The following RIMS1 variants were observed in gnomAD, a reference collection of about 807,000 sequenced individuals.
The protein encoded by RIMS1 is regulating synaptic membrane exocytosis 1, also known as regulating synaptic membrane exocytosis protein 1.
In RIMS1, 83 loss-of-function variants were observed where a neutral mutation model predicts 214.1. The observed-to-expected ratio is 0.39, with a 90% CI of 0.32 to 0.47. RIMS1 has a LOEUF of 0.47. Ranked by LOEUF, RIMS1 falls within the 20% of genes least tolerant of loss-of-function variation. The pLI, the probability that RIMS1 is intolerant of heterozygous loss-of-function variation, is 0.99. For missense variants in RIMS1, 2,050 were observed against 2,161.8 expected (o/e 0.95, Z 1.03); for synonymous variants, 793 against 786.8 (o/e 1.01, Z -0.13).
chr6:72,285,079 C>A (rs750340601), intron 24 of RIMS1, among the ~76,000 whole-genome samples: 4 of 151,980 alleles, frequency 2.6e-5, no homozygotes, highest in Non-Finnish European at 5.9e-5. Context: ...AGAAAAGAGG[C>A]CTGAAAATAA....
At chr6:72,007,107 G>A (rs1489052178) in intron 2 of RIMS1, among the ~76,000 whole-genome samples, 1 of 152,246 alleles carries the variant, frequency 6.6e-6, no homozygotes, top group East Asian at 1.9e-4. Flanking sequence ...ACATGGCTGG[G>A]TACTCCTCTG....
chr6:72,343,364 C>T (rs914581769), intron 29 of RIMS1, among the ~76,000 whole-genome samples: 3 of 141,954 alleles, frequency 2.1e-5, no homozygotes, highest in Non-Finnish European at 3.2e-5. Flanking sequence ...CTCTTTTTAG[C>T]ATGCATATTA....
At chr6:72,088,461 G>A (rs1319178661) in intron 2 of RIMS1, among the ~76,000 whole-genome samples, 4 of 151,606 alleles carry the variant, frequency 2.6e-5, no homozygotes, top group Non-Finnish European at 5.9e-5. Flanking sequence ...ATGTTGGCCC[G>A]GCTCCAGGCT....
chr6:71,942,088 C>A (rs1331552681), intron 1 of RIMS1, among the ~76,000 whole-genome samples: 1 of 152,124 alleles, frequency 6.6e-6, no homozygotes, highest in Non-Finnish European at 1.5e-5. Flanking sequence ...CAGTATGCAC[C>A]ACCATGGTGC....
intron 2 of RIMS1, among the ~76,000 whole-genome samples, chr6:72,011,552 A>ATC (rs1466975753): frequency 6.6e-6 from 1 of 152,158 alleles, no homozygotes; most frequent in Admixed American, 6.5e-5. Context: ...AACCTACAAA[A>ATC]TCGGAGAAAA....
At chr6:72,360,709 T>A (rs1017619028) in intron 29 of RIMS1, among the ~76,000 whole-genome samples, 7 of 140,648 alleles carry the variant, frequency 5.0e-5, no homozygotes, top group Non-Finnish European at 9.5e-5. Flanking sequence ...GTATACTATA[T>A]TTTTTTTACT....
At chr6:72,351,061 G>T (rs2097428855) in intron 29 of RIMS1, among the ~76,000 whole-genome samples, 1 of 151,774 alleles carries the variant, frequency 6.6e-6, no homozygotes, top group Admixed American at 6.6e-5. Flanking sequence ...CAATTTTAAA[G>T]GAGCATAAAC....
chr6:72,293,094 C>T (rs573005662), intron 26 of RIMS1, among the ~76,000 whole-genome samples: 51 of 151,906 alleles, frequency 3.4e-4, no homozygotes, highest in Non-Finnish European at 6.9e-4. Context: ...GCATAGATTG[C>T]CATGCAGAAT....
chr6:72,320,994 A>G (rs1035322161), intron 28 of RIMS1, among the ~76,000 whole-genome samples: 1 of 151,994 alleles, frequency 6.6e-6, no homozygotes, highest in African/African-American at 2.4e-5. Flanking sequence ...CCTTGATTTC[A>G]GCTAGACTCT....
intron 17 of RIMS1, among the ~76,000 whole-genome samples, chr6:72,258,656 T>C (rs2076828289): frequency 6.6e-6 from 1 of 152,184 alleles, no homozygotes; most frequent in Non-Finnish European, 1.5e-5. Flanking sequence ...GATTGTCTCT[T>C]TGAAGCACTT....
intron 1 of RIMS1, among the ~76,000 whole-genome samples, chr6:71,907,808 G>A (rs1041854824): frequency 6.6e-6 from 1 of 152,108 alleles, no homozygotes; most frequent in African/African-American, 2.4e-5. Flanking sequence ...CCTGTGTTTT[G>A]TTGGTGAAAC....
intron 1 of RIMS1, among the ~76,000 whole-genome samples, chr6:71,944,788 A>G (rs958995016): frequency 1.3e-5 from 2 of 152,208 alleles, no homozygotes; most frequent in African/African-American, 4.8e-5. Context: ...AAAATATTAC[A>G]ATGTATGCAC....
At chr6:72,265,879 C>G in intron 21 of RIMS1, 81 bp from the exon 22 acceptor site, 1 of 959,980 alleles carries the variant, frequency 1.0e-6, no homozygotes, top group South Asian at 1.5e-5. Context: ...TTATTTTATG[C>G]TTTACTCTCT....
At chr6:71,985,060 T>C (rs565972732) in intron 2 of RIMS1, among the ~76,000 whole-genome samples, 2 of 152,252 alleles carry the variant, frequency 1.3e-5, no homozygotes, top group South Asian at 4.1e-4. Context: ...TCAAAAAGTT[T>C]GCAATCTAGT....
At chr6:72,008,940 C>A (rs946995626) in intron 2 of RIMS1, among the ~76,000 whole-genome samples, 5 of 151,996 alleles carry the variant, frequency 3.3e-5, no homozygotes, top group African/African-American at 1.2e-4. Context: ...ACAAGGATAC[C>A]CAGGAATTGA....
intron 6 of RIMS1, among the ~76,000 whole-genome samples, chr6:72,185,232 G>C (rs2048929465): frequency 1.3e-5 from 2 of 152,028 alleles, no homozygotes; most frequent in Admixed American, 1.3e-4. Flanking sequence ...CTGTGGAAGA[G>C]AACCCCGATA....
intron 12 of RIMS1, among the ~76,000 whole-genome samples, chr6:72,249,815 C>T (rs977796949): frequency 3.9e-5 from 6 of 151,934 alleles, no homozygotes; most frequent in African/African-American, 1.2e-4. Context: ...AAATACTAAA[C>T]GGTGCCTGTA....
chr6:71,939,346 G>A (rs557162173), intron 1 of RIMS1, among the ~76,000 whole-genome samples: 1 of 152,202 alleles, frequency 6.6e-6, no homozygotes, highest in South Asian at 2.1e-4. Flanking sequence ...TCTACTCCTG[G>A]CAATACAGGC....
chr6:71,992,394 T>TCTC (rs1801854170), intron 2 of RIMS1, among the ~76,000 whole-genome samples: 1 of 98,014 alleles, frequency 1.0e-5, no homozygotes, highest in Non-Finnish European at 2.0e-5. Context: ...GCTTCTTTCT[T>TCTC]TCTCTCTCTC....
Sources: gnomAD v4.1 joint callset for allele counts (sites outside exome capture counted in the v4.1 genomes callset) on GRCh38, gnomAD v4.1.1 for gene constraint, MANE v1.5 for transcripts, NCBI Gene and HGNC (gene_info 2026-07-23, HGNC 2026-07-21) for gene names.